Variants in USP30 observed in about 807,000 individuals in gnomAD.
The protein encoded by USP30 is ubiquitin carboxyl-terminal hydrolase 30.
USP30 carries 41 observed loss-of-function variants against 68.2 expected under a neutral mutation model. That is an observed-to-expected ratio of 0.60 (90% CI 0.47 to 0.78). USP30 has a LOEUF of 0.78. Among genes scored for constraint, USP30 ranks in the 30% least tolerant of loss-of-function variants. The pLI is 0.00. For synonymous variants in USP30, 229 were observed against 253.7 expected, an observed-to-expected ratio of 0.90 and a Z score of 0.93; for missense variants, 522 against 649.4, an observed-to-expected ratio of 0.80 and a Z score of 2.13.
At chr12:109,046,846 G>A (rs1464037643) in intron 3 of USP30, among the ~76,000 whole-genome samples, 3 of 152,070 alleles carry the variant, frequency 2.0e-5, no homozygotes, top group African/African-American at 7.2e-5. Context: ...ACAGGTGTGC[G>A]CCATCATGCC....
At chr12:109,060,835 A>G (rs1221688791) in intron 3 of USP30, among the ~76,000 whole-genome samples, 1 of 152,264 alleles carries the variant, frequency 6.6e-6, no homozygotes, top group East Asian at 1.9e-4. Flanking sequence ...TTGTATTTTT[A>G]GTAGAGACAG....
chr12:109,082,056 C>T (rs760915912), intron 9 of USP30, 37 bp downstream of exon 9: 1 of 1,605,808 alleles, frequency 6.2e-7, no homozygotes, highest in Non-Finnish European at 8.5e-7. Context: ...GCCAGCTGGC[C>T]TGTGTGTGCT....
At chr12:109,073,189 T>A (rs904344264) in intron 6 of USP30, among the ~76,000 whole-genome samples, 3 of 152,246 alleles carry the variant, frequency 2.0e-5, no homozygotes, top group Non-Finnish European at 4.4e-5. Context: ...TCAACACAAA[T>A]TCCTTTTTAA....
rs140951559 is a variant in USP30 at position 109,040,659 on chromosome 12, C to G, written c.-135-6931C>G. ...GGATCCACTTTCAAGATGGTGCACT[C>G]ACGTGATTGGCAAGTTGGTAATGGC... is the stretch of plus-strand genomic sequence containing the variant. On this transcript the variant is annotated intron_variant, in intron 3 of 15. Transcript: ENST00000392784. 3.6e-3 allele frequency among the ~76,000 whole-genome samples: 544 copies of G among 152,282 alleles called. 5 individuals carry two copies. The highest frequency in any genetic ancestry group is 0.013 in the African/African-American group (522 of 41,556).
chr12:109,031,167 T>A (rs1012478257), intron 3 of USP30, among the ~76,000 whole-genome samples: 1 of 152,198 alleles, frequency 6.6e-6, no homozygotes, highest in Non-Finnish European at 1.5e-5. Context: ...ATGTTCAATG[T>A]CTATTTAAAA....
At chr12:109,025,863 T>G (rs893592416) in intron 2 of USP30, among the ~76,000 whole-genome samples, 12 of 151,908 alleles carry the variant, frequency 7.9e-5, no homozygotes, top group Non-Finnish European at 1.8e-4. Flanking sequence ...AATTTTTGTA[T>G]TTTTTGTAGA....
Position 109,071,436 on chromosome 12 carries a change from G to A in USP30, c.481-176G>A, listed in dbSNP as rs565391701. Reference sequence around the variant, plus strand: ...CTGCTCCTGGACCTCTTGCTTGAGGGTCTTCACTCGTGACAGTGTCCAGGA... The same window carrying A: ...CTGCTCCTGGACCTCTTGCTTGAGGATCTTCACTCGTGACAGTGTCCAGGA... On this transcript the variant is annotated intron_variant, in intron 4 of 12. Transcript: ENST00000257548. 2.0e-5 allele frequency among the ~76,000 whole-genome samples: 3 copies of A among 152,282 alleles called. No individual in the cohort carries two copies. In the South Asian group the frequency reaches 6.2e-4, roughly 32 times the overall value.
rs1323060488 is a variant in USP30, at chr12:109,073,540, C to T, written c.720+8C>T. ...AAACACTGTGAACACCAGGTAAATACAATACCAACACTTGATATTTCCGGG... is the reference window on the plus strand; with the variant it reads ...AAACACTGTGAACACCAGGTAAATATAATACCAACACTTGATATTTCCGGG... On this transcript the variant is annotated splice_region_variant and intron_variant, in intron 7 of 12. Coordinates refer to ENST00000257548, the MANE Select transcript of USP30 (RefSeq NM_032663.5). 6.2e-7 allele frequency: 1 copy of T among 1,601,240 alleles called. No homozygotes were observed. Among genetic ancestry groups the T allele is most frequent in the South Asian group, 1.1e-5 (1 of 90,784 alleles).
At position 109,084,931 on chromosome 12, in the gene USP30, C is replaced by T. The variant is rs370825027; in HGVS notation, c.1169-22C>T. 10 of 1,547,864 alleles carry T rather than the reference C, an allele frequency of 6.5e-6. No individual in the cohort carries two copies. The African/African-American group carries it at 1.4e-4, about 21-fold the overall frequency. On this transcript the variant is annotated intron_variant, in intron 11 of 12. Transcript: ENST00000257548. ...CAGAGCCACTGCTAATTTTCATTGA[C>T]TCGGGCCTTTTTCTCTTGCAGTTCT...
intron 1 of USP30, chr12:109,053,694 A>T: frequency 4.5e-6 from 1 of 222,758 alleles, no homozygotes; most frequent in Non-Finnish European, 9.1e-6. Context: ...ACCTCATAGC[A>T]GAGTTGGGAG....
At chr12:109,038,164 T>TCCCC (rs2040535194) in intron 3 of USP30, among the ~76,000 whole-genome samples, 1 of 130,834 alleles carries the variant, frequency 7.6e-6, no homozygotes, top group African/African-American at 2.8e-5. Flanking sequence ...ATGCTCTCCC[T>TCCCC]CCCCCGACCC....
intron 3 of USP30, among the ~76,000 whole-genome samples, chr12:109,046,701 CTGT>C (rs1002621056): frequency 4.0e-5 from 6 of 151,770 alleles, no homozygotes; most frequent in Non-Finnish European, 7.4e-5. Flanking sequence ...GTTGTTGCTG[CTGT>C]TGTTGTTGTT....
intron 3 of USP30, among the ~76,000 whole-genome samples, chr12:109,046,909 C>T (rs2040610101): frequency 6.6e-6 from 1 of 152,108 alleles, no homozygotes; most frequent in South Asian, 2.1e-4. Flanking sequence ...GTTGGCCAGG[C>T]TGGTCTCGAA....
chr12:109,074,996 C>T (rs1271488332), intron 7 of USP30, among the ~76,000 whole-genome samples: 1 of 152,222 alleles, frequency 6.6e-6, no homozygotes, highest in Non-Finnish European at 1.5e-5. Flanking sequence ...GCTTATTTCA[C>T]ATAGCAGATG....
intron 1 of USP30, among the ~76,000 whole-genome samples, chr12:109,056,315 C>G (rs1429896653): frequency 2.0e-5 from 3 of 152,184 alleles, no homozygotes; most frequent in African/African-American, 7.2e-5. Flanking sequence ...GCCTCAGCCT[C>G]CCGAGTAGCT....
intron 7 of USP30, among the ~76,000 whole-genome samples, chr12:109,079,028 T>C (rs961875371): frequency 3.9e-5 from 6 of 152,206 alleles, no homozygotes; most frequent in African/African-American, 1.4e-4. Context: ...ATTTTCTCTT[T>C]ATTTTTGTTC....
chr12:109,081,814 T>C lies in USP30; in HGVS notation c.781-119T>C, dbSNP rs528666473. 66 of 1,022,894 alleles carry C rather than the reference T, an allele frequency of 6.5e-5. 1 individual carries two copies. In the South Asian group the frequency reaches 8.5e-4, roughly 13 times the overall value. 63.4% of individuals were successfully genotyped at this position (1,022,894 alleles called of 1,614,324 possible). A position where few individuals can be genotyped will look rare whatever the true frequency, so the allele number is the denominator to read the frequency against. On this transcript the variant is annotated intron_variant, in intron 8 of 12. Coordinates refer to ENST00000257548, the MANE Select transcript of USP30 (RefSeq NM_032663.5). Reference sequence around the variant, plus strand: ...TCCAGGAAACATCCAGTTGTGACTATAAAACTTTATTGCCTGCATACATCA... The same window carrying C: ...TCCAGGAAACATCCAGTTGTGACTACAAAACTTTATTGCCTGCATACATCA...
chr12:109,035,036 A>G (rs893670392), intron 3 of USP30, among the ~76,000 whole-genome samples: 3 of 152,158 alleles, frequency 2.0e-5, no homozygotes, highest in Non-Finnish European at 4.4e-5. Context: ...ACTCCTGAAG[A>G]TAGAATATAG....
intron 3 of USP30, chr12:109,059,885 G>A (rs911019852): frequency 1.3e-5 from 2 of 152,128 alleles, no homozygotes; most frequent in African/African-American, 4.8e-5. Flanking sequence ...CATTCCATGG[G>A]TATTATACAG....
Sources: gnomAD v4.1 joint callset for allele counts (sites outside exome capture counted in the v4.1 genomes callset) on GRCh38, gnomAD v4.1.1 for gene constraint, MANE v1.5 for transcripts, NCBI Gene and HGNC (gene_info 2026-07-23, HGNC 2026-07-21) for gene names.